Variants in MMP26 observed in about 807,000 individuals in gnomAD.
MMP26 encodes the protein matrix metalloproteinase-26.
In MMP26, 33 loss-of-function variants were observed where a neutral mutation model predicts 31.0. The ratio of observed to expected loss-of-function variants is 1.06; its 90% CI spans 0.81 to 1.42. The LOEUF (loss-of-function observed/expected upper bound fraction) is 1.42. MMP26 is among the 40% of genes most tolerant of loss of function. The pLI is 0.00. For missense variants in MMP26, 347 were observed against 316.1 expected (o/e 1.10, Z -0.74); for synonymous variants, 122 against 114.9 (o/e 1.06, Z -0.40).
chr11:4,816,981 C>G (rs546810339), intron 2 of MMP26, among the ~76,000 whole-genome samples: 1 of 151,428 alleles, frequency 6.6e-6, no homozygotes, highest in Non-Finnish European at 1.5e-5. Context: ...AAGTGGGGTG[C>G]CTTCTTTTGT....
intron 2 of MMP26, among the ~76,000 whole-genome samples, chr11:4,871,337 A>T (rs1403474348): frequency 1.3e-5 from 2 of 152,118 alleles, no homozygotes; most frequent in Non-Finnish European, 1.5e-5. Flanking sequence ...TGGGACAATA[A>T]CACAATGGCG....
At chr11:4,989,284 T>C (rs1846956660) in intron 3 of MMP26, among the ~76,000 whole-genome samples, 1 of 152,220 alleles carries the variant, frequency 6.6e-6, no homozygotes, top group Non-Finnish European at 1.5e-5. Context: ...GATTGTATCC[T>C]GATTAAGAAA....
chr11:4,903,537 C>T (rs1850834116), intron 2 of MMP26, among the ~76,000 whole-genome samples: 1 of 152,070 alleles, frequency 6.6e-6, no homozygotes, highest in South Asian at 2.1e-4. Flanking sequence ...ATGTGTCAAG[C>T]TTCTTCAACT....
At chr11:4,895,256 A>G (rs775943186) in intron 2 of MMP26, among the ~76,000 whole-genome samples, 3 of 152,176 alleles carry the variant, frequency 2.0e-5, no homozygotes, top group Admixed American at 1.3e-4. Flanking sequence ...CTTTATATAC[A>G]TCAACAACCC....
At chr11:4,982,493 T>C (rs1846828674) in intron 2 of MMP26, among the ~76,000 whole-genome samples, 1 of 152,184 alleles carries the variant, frequency 6.6e-6, no homozygotes, top group Non-Finnish European at 1.5e-5. Context: ...CTCTGGCAAT[T>C]GTAAAGTCTC....
chr11:4,835,782 G>A (rs912430775), intron 2 of MMP26, among the ~76,000 whole-genome samples: 2 of 152,118 alleles, frequency 1.3e-5, no homozygotes, highest in Non-Finnish European at 2.9e-5. Flanking sequence ...GGAGCTGGGG[G>A]AAGATTAAAG....
At chr11:4,897,355 G>T (rs1392198350) in intron 2 of MMP26, among the ~76,000 whole-genome samples, 1 of 152,098 alleles carries the variant, frequency 6.6e-6, no homozygotes, top group Non-Finnish European at 1.5e-5. Context: ...GGCCAGGATG[G>T]TCTCCATCTC....
intron 2 of MMP26, chr11:4,924,423 A>C: frequency 7.3e-7 from 1 of 1,377,108 alleles, no homozygotes; most frequent in Non-Finnish European, 9.9e-7. Context: ...ACTCACCTAA[A>C]TGTCCCAAGA....
chr11:4,877,883 A>T (rs1196649942), intron 2 of MMP26: 2 of 152,182 alleles, frequency 1.3e-5, no homozygotes, highest in African/African-American at 4.8e-5. Context: ...AAATTTTCAA[A>T]CATTTATGTA....
chr11:4,827,787 C>T (rs969312319), intron 2 of MMP26, among the ~76,000 whole-genome samples: 1 of 151,524 alleles, frequency 6.6e-6, no homozygotes, highest in African/African-American at 2.4e-5. Context: ...CTAAAAATTA[C>T]CTAAATTTAG....
chr11:4,883,620 C>T (rs144918829), intron 2 of MMP26, among the ~76,000 whole-genome samples: 1 of 152,084 alleles, frequency 6.6e-6, no homozygotes, highest in East Asian at 1.9e-4. Flanking sequence ...TACTCCATTG[C>T]TAACTCTCAG....
chr11:4,815,143 G>C (rs976528273), intron 2 of MMP26, among the ~76,000 whole-genome samples: 4 of 152,128 alleles, frequency 2.6e-5, no homozygotes, highest in African/African-American at 9.7e-5. Context: ...CAATTTACAC[G>C]TGAGGGGGTG....
intron 2 of MMP26, among the ~76,000 whole-genome samples, chr11:4,772,105 A>C (rs1463902571): frequency 2.0e-5 from 3 of 152,170 alleles, no homozygotes; most frequent in African/African-American, 7.2e-5. Flanking sequence ...GTCTCTCTGC[A>C]GCCAAAGACA....
chr11:4,854,640 G>T (rs890122853), intron 2 of MMP26, among the ~76,000 whole-genome samples: 2 of 152,206 alleles, frequency 1.3e-5, no homozygotes, highest in African/African-American at 4.8e-5. Flanking sequence ...CTGGGGGCAG[G>T]TCATAGCTGA....
intron 2 of MMP26, chr11:4,860,435 T>C (rs547477498): frequency 1.6e-4 from 74 of 471,010 alleles, no homozygotes; most frequent in Middle Eastern, 9.7e-4. Context: ...ATGGTACCAT[T>C]TCCCAGGAGT....
At chr11:4,814,207 A>G (rs1849390236) in intron 2 of MMP26, among the ~76,000 whole-genome samples, 2 of 152,164 alleles carry the variant, frequency 1.3e-5, no homozygotes, top group Admixed American at 1.3e-4. Context: ...ATTTCTAGTA[A>G]AACTAGACCT....
chr11:4,852,756 T>A (rs956269999), intron 2 of MMP26, among the ~76,000 whole-genome samples: 1 of 152,194 alleles, frequency 6.6e-6, no homozygotes, highest in Non-Finnish European at 1.5e-5. Context: ...CTCAAAGAGA[T>A]ATCTTCACTC....
chr11:4,970,538 G>A (rs144543241), intron 2 of MMP26, among the ~76,000 whole-genome samples: 3 of 152,328 alleles, frequency 2.0e-5, no homozygotes, highest in Admixed American at 2.0e-4. Flanking sequence ...TGAGTATAGA[G>A]AGGTGAGCCA....
intron 2 of MMP26, among the ~76,000 whole-genome samples, chr11:4,840,023 CT>C (rs1183017557): frequency 6.6e-6 from 1 of 152,094 alleles, no homozygotes. Context: ...ACAGGAACAT[CT>C]GTGGTTTTCT....
Sources: allele counts gnomAD v4.1 joint callset (sites outside exome capture counted in the v4.1 genomes callset), GRCh38; gene constraint gnomAD v4.1.1; transcripts MANE v1.5; gene names NCBI Gene and HGNC (gene_info 2026-07-23, HGNC 2026-07-21).